SPAG16: variants seen among roughly 807,000 people sequenced by gnomAD.
The protein encoded by SPAG16 is sperm-associated antigen 16 protein.
In SPAG16, 86 loss-of-function variants were observed where a neutral mutation model predicts 80.4. That is an observed-to-expected ratio of 1.07 (90% CI 0.90 to 1.28). The LOEUF is 1.28. SPAG16 is among the 50% of genes most tolerant of loss of function. The probability of loss-of-function intolerance (pLI) is 0.00; values close to 1 mark genes in which losing one functional copy is unlikely to be tolerated. For missense variants in SPAG16, 870 were observed against 765.3 expected (o/e 1.14, Z -1.61); for synonymous variants, 294 against 265.9 (o/e 1.11, Z -1.03).
intron 5 of SPAG16, among the ~76,000 whole-genome samples, chr2:213,334,200 T>A (rs2064239600): frequency 6.6e-6 from 1 of 152,174 alleles, no homozygotes; most frequent in Non-Finnish European, 1.5e-5. Flanking sequence ...AACAGGTATA[T>A]GAGAAGGTGT....
chr2:213,719,217 A>G (rs1347613904), intron 10 of SPAG16, among the ~76,000 whole-genome samples: 1 of 152,010 alleles, frequency 6.6e-6, no homozygotes, highest in Middle Eastern at 3.2e-3. Context: ...GCACCAATCG[A>G]CACTCTGTAT....
intron 10 of SPAG16, among the ~76,000 whole-genome samples, chr2:213,812,640 T>C (rs1575207916): frequency 1.3e-5 from 2 of 152,140 alleles, no homozygotes; most frequent in Admixed American, 6.6e-5. Flanking sequence ...ATGCTAGGAT[T>C]TTTTTTCTCT....
chr2:213,806,764 A>G (rs773398883), intron 10 of SPAG16, among the ~76,000 whole-genome samples: 6 of 152,198 alleles, frequency 3.9e-5, no homozygotes, highest in Non-Finnish European at 7.4e-5. Flanking sequence ...TAAAAAGATT[A>G]CAAATGTTAC....
intron 10 of SPAG16, among the ~76,000 whole-genome samples, chr2:213,810,434 A>C (rs961663417): frequency 6.6e-6 from 1 of 152,192 alleles, no homozygotes; most frequent in Non-Finnish European, 1.5e-5. Flanking sequence ...GACTCATATG[A>C]CATTATGGCA....
At chr2:213,340,116 C>T (rs759641501) in intron 5 of SPAG16, 47 bp from the exon 6 acceptor site, 15 of 1,281,738 alleles carry the variant, frequency 1.2e-5, no homozygotes, top group African/African-American at 7.5e-5. Flanking sequence ...AATAATTTTT[C>T]GAAAAAGAAT....
chr2:213,308,048 A>C (rs1280477133), intron 3 of SPAG16, among the ~76,000 whole-genome samples: 6 of 152,184 alleles, frequency 3.9e-5, no homozygotes, highest in Non-Finnish European at 8.8e-5. Context: ...GTAGGTGAGA[A>C]TAGATCTGCT....
At chr2:214,152,824 C>T (rs2056041422) in intron 15 of SPAG16, among the ~76,000 whole-genome samples, 2 of 152,130 alleles carry the variant, frequency 1.3e-5, no homozygotes, top group African/African-American at 4.8e-5. Flanking sequence ...GCAGCCAAGG[C>T]AGAGAGGGAG....
intron 10 of SPAG16, among the ~76,000 whole-genome samples, chr2:213,536,680 G>A (rs1472918035): frequency 1.3e-5 from 2 of 152,076 alleles, no homozygotes; most frequent in South Asian, 4.2e-4. Context: ...GGGGTTGTTT[G>A]TTTTTTTCTT....
In SPAG16 at chr2:213,636,717, T is replaced by C. The variant is rs556044975; in HGVS notation, c.1070+146627T>C. On this transcript the variant is annotated intron_variant, in intron 10 of 15. Coordinates refer to ENST00000331683, the MANE Select transcript of SPAG16 (RefSeq NM_024532.5). ...AAGCTTTTTGTTTGTTTTGCAGCTA[T>C]TGTAAAAGGGGTTCAGTTCTTGATT... 2.0e-5 allele frequency among the ~76,000 whole-genome samples: 3 copies of C among 152,332 alleles called. No individual in the cohort carries two copies. In the East Asian group the frequency reaches 5.8e-4, roughly 29 times the overall value.
intron 10 of SPAG16, among the ~76,000 whole-genome samples, chr2:213,633,021 T>A (rs2062216205): frequency 6.6e-6 from 1 of 152,168 alleles, no homozygotes; most frequent in South Asian, 2.1e-4. Context: ...CTTTGTTTTT[T>A]AGAATATTTT....
chr2:213,498,409 C>T (rs1180652054), intron 10 of SPAG16, among the ~76,000 whole-genome samples: 2 of 151,852 alleles, frequency 1.3e-5, no homozygotes, highest in African/African-American at 4.8e-5. Context: ...TCTTATAGGG[C>T]CATGACTAGA....
intron 13 of SPAG16, among the ~76,000 whole-genome samples, chr2:214,085,378 C>CA (rs5838406): frequency 0.032 from 3,882 of 120,084 alleles, 138 homozygotes; most frequent in African/African-American, 0.1. Context: ...GATTCCACCT[C>CA]AAAAAAAAAA....
intron 10 of SPAG16, among the ~76,000 whole-genome samples, chr2:213,550,539 T>C (rs576736511): frequency 1.3e-5 from 2 of 152,126 alleles, no homozygotes; most frequent in Non-Finnish European, 2.9e-5. Flanking sequence ...TCAATATTGA[T>C]CAATCTCATG....
At chr2:213,765,957 A>G (rs182396250) in intron 10 of SPAG16, among the ~76,000 whole-genome samples, 50 of 152,356 alleles carry the variant, frequency 3.3e-4, no homozygotes, top group Non-Finnish European at 6.3e-4. Context: ...GAGTCAAACA[A>G]GAATGAATGT....
chr2:213,822,866 G>C (rs1343506112), intron 10 of SPAG16, among the ~76,000 whole-genome samples: 2 of 152,126 alleles, frequency 1.3e-5, no homozygotes, highest in African/African-American at 4.8e-5. Context: ...TGAGGATGAT[G>C]GCTTCCAGCT....
chr2:213,935,019 G>A (rs1442968895), intron 12 of SPAG16, among the ~76,000 whole-genome samples: 4 of 151,956 alleles, frequency 2.6e-5, no homozygotes, highest in Non-Finnish European at 5.9e-5. Flanking sequence ...TGGCTAACAC[G>A]GTGAAACCCT....
chr2:214,085,516 A>G (rs2051680721), intron 13 of SPAG16, among the ~76,000 whole-genome samples: 1 of 152,228 alleles, frequency 6.6e-6, no homozygotes, highest in Admixed American at 6.5e-5. Flanking sequence ...ATGGAGTGAG[A>G]AAAATACAAA....
chr2:213,371,366 C>G lies in SPAG16; in HGVS notation c.833-3644C>G, dbSNP rs192316816. On this transcript the variant is annotated intron_variant, in intron 8 of 15. Coordinates refer to ENST00000331683, the MANE Select transcript of SPAG16 (RefSeq NM_024532.5). Reference sequence around the variant, plus strand: ...TGAGCCGAGATCGCACCACTGCATTCCAGCCTGGCAACACAGCAAGACCGT... The same window carrying G: ...TGAGCCGAGATCGCACCACTGCATTGCAGCCTGGCAACACAGCAAGACCGT... 1.6e-4 allele frequency among the ~76,000 whole-genome samples: 20 copies of G among 127,462 alleles called. No individual in the cohort carries two copies. In the East Asian group the frequency reaches 4.6e-3, roughly 30 times the overall value. 83.6% of individuals were successfully genotyped at this position (127,462 alleles called of 152,430 possible).
At chr2:213,627,113 A>G (rs1335802745) in intron 10 of SPAG16, among the ~76,000 whole-genome samples, 3 of 152,184 alleles carry the variant, frequency 2.0e-5, no homozygotes, top group Non-Finnish European at 4.4e-5. Context: ...GCAGTGGGGA[A>G]AAAGATAACA....
Sources: allele counts gnomAD v4.1 joint callset (sites outside exome capture counted in the v4.1 genomes callset), GRCh38; gene constraint gnomAD v4.1.1; transcripts MANE v1.5; gene names NCBI Gene and HGNC (gene_info 2026-07-23, HGNC 2026-07-21).